The following GLRX3 variants were observed in gnomAD, a reference collection of about 807,000 sequenced individuals.
GLRX3 encodes glutaredoxin-3.
GLRX3 carries 22 observed loss-of-function variants against 49.5 expected under a neutral mutation model. The observed-to-expected ratio is 0.44, with a 90% CI of 0.32 to 0.63. The LOEUF is 0.63. Among genes scored for constraint, GLRX3 ranks in the 30% least tolerant of loss-of-function variants. The probability of loss-of-function intolerance (pLI) is 0.05; values close to 1 mark genes in which losing one functional copy is unlikely to be tolerated. For missense variants in GLRX3, 385 were observed against 396.3 expected (o/e 0.97, Z 0.24); for synonymous variants, 133 against 140.0 (o/e 0.95, Z 0.35).
At chr10:130,153,292 G>A (rs3956328) in intron 2 of GLRX3, among the ~76,000 whole-genome samples, 126,035 of 152,192 alleles carry the variant, frequency 0.83, 52,735 homozygotes, top group African/African-American at 0.95. Flanking sequence ...TCTGAATCCT[G>A]CTTCTGTCAA....
chr10:130,144,286 C>CTTTTT (rs111691897), intron 1 of GLRX3, among the ~76,000 whole-genome samples: 1 of 116,238 alleles, frequency 8.6e-6, no homozygotes, highest in African/African-American at 3.2e-5. Context: ...ATTTGCCTGG[C>CTTTTT]TTTTTTTTTT....
At chr10:130,155,962 A>G (rs1165486382) in intron 2 of GLRX3, among the ~76,000 whole-genome samples, 1 of 152,138 alleles carries the variant, frequency 6.6e-6, no homozygotes, top group Non-Finnish European at 1.5e-5. Context: ...AAGGATACTG[A>G]AGGGTCAGTG....
rs531943817 is a variant in GLRX3, at chr10:130,156,585, A to G, written c.202-3410A>G. Among the ~76,000 whole-genome samples, 13 of 144,520 alleles carry G rather than the reference A, an allele frequency of 9.0e-5. No homozygotes were observed. The East Asian group carries it at 2.8e-3, about 31-fold the overall frequency. 94.8% of individuals were successfully genotyped at this position (144,520 alleles called of 152,430 possible). A position where few individuals can be genotyped will look rare whatever the true frequency, so the allele number is the denominator to read the frequency against. On this transcript the variant is annotated intron_variant, in intron 2 of 10. Coordinates refer to ENST00000331244, the MANE Select transcript of GLRX3 (RefSeq NM_006541.5). ...ATTAAGTGAGTCTATACGTGTGAGG[A>G]TTAAGTGAGTCTATACGTGAAGCAC...
intron 2 of GLRX3, among the ~76,000 whole-genome samples, chr10:130,154,976 T>TC (rs1862446445): frequency 6.6e-6 from 1 of 152,054 alleles, no homozygotes; most frequent in East Asian, 1.9e-4. Context: ...GAGAGATCTT[T>TC]CTTTTTTTTT....
rs980142218 is a variant in GLRX3, at chr10:130,175,095, G to T, written c.957+6G>T. On this transcript the variant is annotated splice_donor_region_variant and intron_variant, in intron 10 of 10. Transcript: ENST00000331244. ...GAGGATTGGATATTGTGAAGGTAAG[G>T]CCAGTTCTTCTGCTGTTCTAAAGAA... The T allele has an allele frequency of 2.1e-6, 3 of 1,457,282 alleles. No homozygotes were observed. Among genetic ancestry groups the T allele is most frequent in the Non-Finnish European group, 2.9e-6 (3 of 1,037,828 alleles). 90.3% of individuals were successfully genotyped at this position (1,457,282 alleles called of 1,614,324 possible).
intron 1 of GLRX3, among the ~76,000 whole-genome samples, chr10:130,143,027 G>C (rs1409522768): frequency 6.6e-6 from 1 of 152,146 alleles, no homozygotes; most frequent in Non-Finnish European, 1.5e-5. Flanking sequence ...CTGAGCTCTA[G>C]ACATCATACT....
In GLRX3 at chr10:130,174,873, A is replaced by G; in HGVS notation, c.831A>G (p.Glu277=). The G allele has an allele frequency of 6.3e-7, 1 of 1,586,180 alleles. No individual in the cohort carries two copies. The highest frequency in any genetic ancestry group is 8.7e-7 in the Non-Finnish European group (1 of 1,154,540). The change falls in exon 9 of 11, where the codon GAA becomes GAG. Residue 277 remains glutamate (E), a synonymous_variant. Transcript: ENST00000331244. ...TGTCTTCTCTTTTTTGCAGTGTTGA[A>G]TATGAAACATTCGATATATTGGAGG... The part of the protein sequence containing the change: ...ILEILNSTGV[E]YETFDILEDE...
chr10:130,145,141 A>G, intron 1 of GLRX3, 70 bp from the exon 2 acceptor site: 1 of 608,576 alleles, frequency 1.6e-6, no homozygotes. Flanking sequence ...CTTTTTGGTA[A>G]TTTATATCAG....
At chr10:130,148,266 G>A (rs1170713550) in intron 2 of GLRX3, among the ~76,000 whole-genome samples, 3 of 151,720 alleles carry the variant, frequency 2.0e-5, no homozygotes, top group Non-Finnish European at 4.4e-5. Flanking sequence ...CCGAATAGCT[G>A]GGACTATAGG....
intron 2 of GLRX3, among the ~76,000 whole-genome samples, chr10:130,157,831 A>C (rs1862506082): frequency 6.6e-6 from 1 of 152,128 alleles, no homozygotes; most frequent in South Asian, 2.1e-4. Flanking sequence ...TATTTCTGAT[A>C]ATCTTTGAGC....
chr10:130,145,803 G>C (rs1379070986), intron 2 of GLRX3, among the ~76,000 whole-genome samples: 1 of 151,758 alleles, frequency 6.6e-6, no homozygotes, highest in Non-Finnish European at 1.5e-5. Flanking sequence ...AAATAATTTT[G>C]CATTTTTTTT....
intron 10 of GLRX3, among the ~76,000 whole-genome samples, chr10:130,175,635 G>A (rs1309830195): frequency 6.6e-6 from 1 of 152,208 alleles, no homozygotes; most frequent in East Asian, 1.9e-4. Context: ...GATGCTTTGT[G>A]TATTTTAGGA....
intron 10 of GLRX3, among the ~76,000 whole-genome samples, chr10:130,176,193 C>T (rs1476632538): frequency 6.6e-6 from 1 of 150,878 alleles, no homozygotes; most frequent in East Asian, 1.9e-4. Context: ...AATCTCGGCT[C>T]ACTGCAGCCT....
At position 130,156,303 on chromosome 10, in the gene GLRX3, C is replaced by G. The variant is rs142365326; in HGVS notation, c.202-3692C>G. On this transcript the variant is annotated intron_variant, in intron 2 of 10. Coordinates refer to ENST00000331244, the MANE Select transcript of GLRX3 (RefSeq NM_006541.5). ...AAAACAGACTAGCCAGCCTCAAACCCTTTTATAATGGCACTGTTCCCATCC... is the reference window on the plus strand; with the variant it reads ...AAAACAGACTAGCCAGCCTCAAACCGTTTTATAATGGCACTGTTCCCATCC... Among the ~76,000 whole-genome samples, 99 of 152,278 alleles carry G rather than the reference C, an allele frequency of 6.5e-4. No individual in the cohort carries two copies. In the Middle Eastern group the frequency reaches 0.041, roughly 63 times the overall value.
chr10:130,167,594 C>T (rs1862717887), intron 6 of GLRX3, among the ~76,000 whole-genome samples: 1 of 152,106 alleles, frequency 6.6e-6, no homozygotes, highest in African/African-American at 2.4e-5. Context: ...ATTTTTATTG[C>T]AGTAAAATTA....
intron 8 of GLRX3, among the ~76,000 whole-genome samples, chr10:130,173,777 GTTC>G (rs957617761): frequency 1.3e-5 from 2 of 152,002 alleles, no homozygotes; most frequent in African/African-American, 2.4e-5. Flanking sequence ...GTCTTTTTTT[GTTC>G]TTCTTTCAAA....
intron 10 of GLRX3, 97 bp downstream of exon 10, chr10:130,175,186 A>C (rs1440097794): frequency 5.3e-6 from 4 of 749,278 alleles, no homozygotes; most frequent in Non-Finnish European, 9.5e-6. Flanking sequence ...GTTGTTTTTG[A>C]CTCCTGTTTC....
chr10:130,176,763 TCC>T (rs1862929265), intron 10 of GLRX3, among the ~76,000 whole-genome samples: 2 of 48,592 alleles, frequency 4.1e-5, no homozygotes, highest in Non-Finnish European at 7.9e-5. Flanking sequence ...CCTCCCTCCC[TCC>T]CTCCCTCTTT....
chr10:130,136,424 G>T lies in GLRX3; in HGVS notation c.4G>T (p.Ala2Ser). 8.0e-7 allele frequency: 1 copy of T among 1,254,162 alleles called. No individual in the cohort carries two copies. Among genetic ancestry groups the T allele is most frequent in the Non-Finnish European group, 1.0e-6 (1 of 993,258 alleles). 77.7% of individuals were successfully genotyped at this position (1,254,162 alleles called of 1,614,324 possible). A position where few individuals can be genotyped will look rare whatever the true frequency, so the allele number is the denominator to read the frequency against. Reference protein sequence around the residue: MAAGAAEAAVAA... With the variant: MSAGAAEAAVAA... ...GCTTCTGTCTGGCGGCGGCAGCATGGCGGCGGGGGCGGCTGAGGCAGCTGT... is the reference window on the plus strand; with the variant it reads ...GCTTCTGTCTGGCGGCGGCAGCATGTCGGCGGGGGCGGCTGAGGCAGCTGT... The change falls in exon 1 of 11, where the codon GCG (alanine) becomes TCG (serine). Residue 2 changes from alanine (A) to serine (S), a missense_variant. Physicochemically the swap from Ala to Ser is moderately conservative, Grantham distance 99. This residue lies in a region of GLRX3 where 374 missense variants were observed against 358.6 expected (regional missense o/e 1.04). Coordinates refer to ENST00000331244, the MANE Select transcript of GLRX3 (RefSeq NM_006541.5).
Sources: gnomAD v4.1 joint callset for allele counts (sites outside exome capture counted in the v4.1 genomes callset) on GRCh38, gnomAD v4.1.1 for gene constraint, gnomAD v4.1.1 regional missense constraint, MANE v1.5 for transcripts, NCBI Gene and HGNC (gene_info 2026-07-23, HGNC 2026-07-21) for gene names.